SPAG1: variants seen among roughly 807,000 people sequenced by gnomAD.
SPAG1 encodes sperm-associated antigen 1.
Under a neutral mutation model 100.5 loss-of-function variants are expected in SPAG1, and 69 were observed. The observed-to-expected ratio is 0.69, with a 90% CI of 0.57 to 0.84. The LOEUF (loss-of-function observed/expected upper bound fraction) is 0.84, where lower values mean the gene tolerates loss of function less well. Ranked by LOEUF, SPAG1 falls within the 40% of genes least tolerant of loss-of-function variation. The pLI is 0.00. For synonymous variants in SPAG1, 336 were observed against 411.6 expected (o/e 0.82, Z 2.22); for missense variants, 955 against 1,133.1 (o/e 0.84, Z 2.26).
chr8:100,196,243 T>C (rs1040205540), intron 10 of SPAG1, among the ~76,000 whole-genome samples: 12 of 152,232 alleles, frequency 7.9e-5, no homozygotes, highest in African/African-American at 2.9e-4. Flanking sequence ...TAGCTAAGAG[T>C]GGGACTGCTG....
Position 100,239,122 on chromosome 8 carries a change from A to G in SPAG1, c.2116-118A>G, listed in dbSNP as rs1008101720. 8 of 537,646 alleles carry G rather than the reference A, an allele frequency of 1.5e-5. No individual in the cohort carries two copies. Among genetic ancestry groups the G allele is most frequent in the African/African-American group, 6.0e-5 (3 of 50,420 alleles). The allele number at this position is 537,646 out of a possible 1,614,324, so 33.3% of individuals were successfully genotyped here. On this transcript the variant is annotated intron_variant, in intron 16 of 18. Transcript: ENST00000388798. This position sits in a 1 kb window ranked among gnomAD's most constrained non-coding sequence, Gnocchi z 5.0. ...CACAGGCTCACTTTGTAAGAGTGGT[A>G]TTAATGTGGACCCTGCACACATACT... is the stretch of plus-strand genomic sequence containing the variant.
rs369602966 is a variant in SPAG1 at position 100,177,966 on chromosome 8, G to C, written c.426+25G>C. On this transcript the variant is annotated intron_variant, in intron 4 of 18. Coordinates refer to ENST00000388798, the MANE Select transcript of SPAG1 (RefSeq NM_003114.5). ...GGTAGGCTTCTTTGATATCTTTGTGGGTGGTAGCAGGAGAGGATTGCTGCT... is the reference window on the plus strand; with the variant it reads ...GGTAGGCTTCTTTGATATCTTTGTGCGTGGTAGCAGGAGAGGATTGCTGCT... 1.6e-5 allele frequency: 26 copies of C among 1,600,912 alleles called. No homozygotes were observed. The African/African-American group carries it at 3.4e-4, about 21-fold the overall frequency.
chr8:100,186,849 A>T (rs1816607058), intron 7 of SPAG1, among the ~76,000 whole-genome samples: 1 of 151,914 alleles, frequency 6.6e-6, no homozygotes, highest in Non-Finnish European at 1.5e-5. Context: ...ATGTCCAAAT[A>T]TCTTCTTCTT....
chr8:100,213,012 C>T (rs1281283014), intron 10 of SPAG1, 78 bp from the exon 11 acceptor site: 1 of 1,230,762 alleles, frequency 8.1e-7, no homozygotes, highest in Non-Finnish European at 1.0e-6. Context: ...CGTCCTGCAC[C>T]CCCGCGGCCT....
At chr8:100,165,305 A>C in intron 2 of SPAG1, 1 of 512,346 alleles carries the variant, frequency 2.0e-6, no homozygotes. Flanking sequence ...TCTGTGCAGG[A>C]TTTTTTCCTA....
rs954557860 is a variant in SPAG1 at position 100,233,238 on chromosome 8, T to C, written c.1989-173T>C. On this transcript the variant is annotated intron_variant, in intron 15 of 18. Transcript: ENST00000388798. The stretch of plus-strand genomic sequence containing the variant: ...CTTGAGGGCTGTGACTGTATTTTGT[T>C]TGCGGTTGTATGCCCAGTGCCATAA... The C allele has an allele frequency of 2.2e-5, 14 of 628,350 alleles. No individual in the cohort carries two copies. In the African/African-American group the frequency reaches 2.6e-4, roughly 12 times the overall value. 38.9% of individuals were successfully genotyped at this position (628,350 alleles called of 1,614,324 possible).
chr8:100,213,272 G>C lies in SPAG1; in HGVS notation c.1279G>C (p.Ala427Pro). Residue 427 changes from alanine to proline, a missense_variant, in exon 11 of 19, where the codon GCG becomes CCG. Transcript: ENST00000388798. ...RSPRRASAAA[A>P]AGGGATGHPG... Reference sequence around the variant, plus strand: ...CCCACGGCGGGCCTCTGCGGCGGCGGCGGCGGGCGGCGGCGCCACCGGGCA... The same window carrying C: ...CCCACGGCGGGCCTCTGCGGCGGCGCCGGCGGGCGGCGGCGCCACCGGGCA... The C allele has an allele frequency of 4.1e-6, 5 of 1,212,876 alleles. No homozygotes were observed. Among genetic ancestry groups the C allele is most frequent in the Non-Finnish European group, 5.1e-6 (5 of 978,494 alleles). 75.1% of individuals were successfully genotyped at this position (1,212,876 alleles called of 1,614,324 possible).
At chr8:100,230,012 G>T (rs577501256) in intron 14 of SPAG1, among the ~76,000 whole-genome samples, 19 of 152,256 alleles carry the variant, frequency 1.2e-4, no homozygotes, top group African/African-American at 4.3e-4. Context: ...CCACAGGAAA[G>T]AAAAAGATTT....
At chr8:100,224,466 C>T (rs1190607156) in intron 13 of SPAG1, among the ~76,000 whole-genome samples, 2 of 152,064 alleles carry the variant, frequency 1.3e-5, no homozygotes, top group South Asian at 2.1e-4. Context: ...TGCCTGAACC[C>T]GGGAGGCAGA....
intron 10 of SPAG1, among the ~76,000 whole-genome samples, chr8:100,204,344 G>A (rs1817416211): frequency 6.6e-6 from 1 of 152,118 alleles, no homozygotes; most frequent in Non-Finnish European, 1.5e-5. Flanking sequence ...AAAAATAACT[G>A]TTTGAGTTCT....
At position 100,214,988 on chromosome 8, in the gene SPAG1, CATATATATATATATATATATATAT is replaced by C. The variant is rs71274967; in HGVS notation, c.1535+1109_1535+1132del. On this transcript the variant is annotated intron_variant, in intron 12 of 18. Transcript: ENST00000388798. ...GACAAGAGACTCTGTAAACTTTACTCATATATATATATATATATATATATATATATATATATATATATATATATA... is the reference window on the plus strand; with the variant it reads ...GACAAGAGACTCTGTAAACTTTACTCATATATATATATATATATATATATA... 6.6e-3 allele frequency among the ~76,000 whole-genome samples: 453 copies of C among 68,840 alleles called. 2 individuals are homozygous for C. The highest frequency in any genetic ancestry group is 8.4e-3 in the African/African-American group (150 of 17,912). The allele number at this position is 68,840 out of a possible 152,430, so 45.2% of individuals were successfully genotyped here. A position where few individuals can be genotyped will look rare whatever the true frequency, so the allele number is the denominator to read the frequency against.
At position 100,165,889 on chromosome 8, in the gene SPAG1, C is replaced by T. The variant is rs112619980; in HGVS notation, c.216C>T (p.Ser72=). Residue 72 remains serine, a synonymous_variant, in exon 3 of 19, where the codon AGC becomes AGT. Transcript: ENST00000388798. The part of the protein sequence containing the change: ...EKHLQALAPE[S]RALRKDKPAA... ...ATCTTCAAGCCTTGGCCCCTGAAAG[C>T]AGAGCTTTGAGGAAAGATAAACCAG... is the stretch of plus-strand genomic sequence containing the variant. The T allele has an allele frequency of 6.2e-7, 1 of 1,614,086 alleles. No homozygotes were observed. The highest frequency in any genetic ancestry group is 2.2e-5 in the East Asian group (1 of 44,890).
At chr8:100,189,476 C>A (rs780633845) in intron 8 of SPAG1, among the ~76,000 whole-genome samples, 1 of 150,288 alleles carries the variant, frequency 6.7e-6, no homozygotes, top group East Asian at 1.9e-4. Flanking sequence ...GAATCCATCT[C>A]AAAAAAAACC....
At chr8:100,169,492 A>G (rs1815723156) in intron 3 of SPAG1, among the ~76,000 whole-genome samples, 1 of 152,220 alleles carries the variant, frequency 6.6e-6, no homozygotes, top group African/African-American at 2.4e-5. Context: ...ATAATCCAGC[A>G]CTTTGGGAGG....
intron 16 of SPAG1, among the ~76,000 whole-genome samples, chr8:100,234,174 C>G (rs1311061549): frequency 6.6e-6 from 1 of 152,132 alleles, no homozygotes; most frequent in African/African-American, 2.4e-5. Flanking sequence ...CAAGGAAAAA[C>G]CAGAACATAT....
At chr8:100,215,687 G>A (rs1817951960) in intron 12 of SPAG1, among the ~76,000 whole-genome samples, 1 of 152,172 alleles carries the variant, frequency 6.6e-6, no homozygotes, top group African/African-American at 2.4e-5. Context: ...ACCATGCCCG[G>A]CTAATTTTTT....
intron 16 of SPAG1, among the ~76,000 whole-genome samples, chr8:100,235,751 G>A (rs143947159): frequency 8.6e-4 from 131 of 152,076 alleles, no homozygotes; most frequent in African/African-American, 2.9e-3. Context: ...TGCATGTCCC[G>A]CCAGGACCCC....
At chr8:100,187,596 C>T (rs1024585571) in intron 8 of SPAG1, among the ~76,000 whole-genome samples, 2 of 151,654 alleles carry the variant, frequency 1.3e-5, no homozygotes, top group South Asian at 2.1e-4. Context: ...TTTGGGAGGC[C>T]GAGGTGAGAC....
chr8:100,200,101 C>G (rs1563791111), intron 10 of SPAG1, among the ~76,000 whole-genome samples: 1 of 152,192 alleles, frequency 6.6e-6, no homozygotes. Context: ...TCCCCTCACT[C>G]CAACCCCATG....
Sources: allele counts gnomAD v4.1 joint callset (sites outside exome capture counted in the v4.1 genomes callset), GRCh38; gene constraint gnomAD v4.1.1; non-coding constraint Gnocchi (gnomAD v3.1); transcripts MANE v1.5; gene names NCBI Gene and HGNC (gene_info 2026-07-23, HGNC 2026-07-21).